The following NEGR1 variants were observed in gnomAD, a reference collection of about 807,000 sequenced individuals.
The protein encoded by NEGR1 is neuronal growth regulator 1.
Under a neutral mutation model 40.9 loss-of-function variants are expected in NEGR1, and 10 were observed. That is an observed-to-expected ratio of 0.24 (90% CI 0.15 to 0.42). The LOEUF is 0.42. NEGR1 is among the 10% of genes least tolerant of loss of function. The probability of loss-of-function intolerance (pLI) is 1.00; values close to 1 mark genes in which losing one functional copy is unlikely to be tolerated. For missense variants in NEGR1, 352 were observed against 438.9 expected (o/e 0.80, Z 1.77); for synonymous variants, 185 against 166.8 (o/e 1.11, Z -0.84).
chr1:72,024,161 G>T (rs3102908), intron 1 of NEGR1, among the ~76,000 whole-genome samples: 79,296 of 151,884 alleles, frequency 0.52, 21,674 homozygotes, highest in East Asian at 0.67. Flanking sequence ...CACATAGCCA[G>T]CTGGCTACCT....
intron 2 of NEGR1, among the ~76,000 whole-genome samples, chr1:71,925,092 A>G (rs932166722): frequency 6.6e-6 from 1 of 152,182 alleles, no homozygotes. Context: ...AATAAAATAA[A>G]ATAAAATAAG....
chr1:71,665,720 A>C (rs2101594478), intron 4 of NEGR1, among the ~76,000 whole-genome samples: 1 of 152,298 alleles, frequency 6.6e-6, no homozygotes, highest in East Asian at 1.9e-4. Flanking sequence ...CTTTTCATAC[A>C]GTGGAGCGCC....
At position 71,406,081 on chromosome 1, in the gene NEGR1, C is replaced by T. The variant is rs984095841; in HGVS notation, c.*1365G>A. The T allele has an allele frequency of 6.6e-6, 1 of 152,024 alleles. No individual in the cohort carries two copies. Among genetic ancestry groups the T allele is most frequent in the Non-Finnish European group, 1.5e-5 (1 of 67,810 alleles). The allele number at this position is 152,024 out of a possible 1,614,324, so 9.4% of individuals were successfully genotyped here. Reference sequence around the variant, plus strand: ...CACTGGTGTTTTGTCTTTATTTGATCGCATCTTACATATATCATGTAAGGA... The same window carrying T: ...CACTGGTGTTTTGTCTTTATTTGATTGCATCTTACATATATCATGTAAGGA... On this transcript the variant is annotated 3_prime_UTR_variant, in exon 7 of 7. Coordinates refer to ENST00000357731, the MANE Select transcript of NEGR1 (RefSeq NM_173808.3).
At chr1:71,901,818 G>A (rs893974155) in intron 2 of NEGR1, among the ~76,000 whole-genome samples, 1 of 151,838 alleles carries the variant, frequency 6.6e-6, no homozygotes, top group African/African-American at 2.4e-5. Flanking sequence ...TTACAGGCAT[G>A]TGCCATCATA....
At chr1:71,708,278 CAG>C (rs1443333848) in intron 3 of NEGR1, among the ~76,000 whole-genome samples, 1 of 151,662 alleles carries the variant, frequency 6.6e-6, no homozygotes, top group Non-Finnish European at 1.5e-5. Context: ...AGAAGGAACT[CAG>C]AATTCCATCA....
chr1:71,957,558 C>T (rs2100288576), intron 1 of NEGR1, among the ~76,000 whole-genome samples: 1 of 152,188 alleles, frequency 6.6e-6, no homozygotes, highest in Middle Eastern at 3.4e-3. Context: ...ATTTCTGCAG[C>T]TGAGAGGAAT....
At chr1:71,689,468 G>A (rs558488875) in intron 4 of NEGR1, among the ~76,000 whole-genome samples, 5 of 152,054 alleles carry the variant, frequency 3.3e-5, no homozygotes, top group South Asian at 2.1e-4. Flanking sequence ...AACAGAATTC[G>A]GATCTTCTGC....
chr1:72,229,152 T>C (rs1654279284), intron 1 of NEGR1, among the ~76,000 whole-genome samples: 1 of 151,940 alleles, frequency 6.6e-6, no homozygotes, highest in Non-Finnish European at 1.5e-5. Flanking sequence ...TTAGAAACCA[T>C]TACTAAAATT....
At chr1:71,548,083 A>G (rs1432469043) in intron 6 of NEGR1, among the ~76,000 whole-genome samples, 1 of 151,708 alleles carries the variant, frequency 6.6e-6, no homozygotes, top group Non-Finnish European at 1.5e-5. Context: ...CTACAGCCTT[A>G]GCCATCATCT....
chr1:72,060,733 G>T (rs909494567), intron 1 of NEGR1, among the ~76,000 whole-genome samples: 2 of 151,588 alleles, frequency 1.3e-5, no homozygotes, highest in African/African-American at 4.8e-5. Flanking sequence ...AGTTCCAAAA[G>T]TTTCCATGTA....
At chr1:71,826,448 C>A (rs371429111) in intron 2 of NEGR1, among the ~76,000 whole-genome samples, 62 of 151,934 alleles carry the variant, frequency 4.1e-4, no homozygotes, top group African/African-American at 1.4e-3. Flanking sequence ...TCTGGCTTTG[C>A]ATTTTGTTTG....
intron 1 of NEGR1, among the ~76,000 whole-genome samples, chr1:72,159,454 T>C (rs1651476981): frequency 1.3e-5 from 2 of 152,090 alleles, no homozygotes; most frequent in South Asian, 4.1e-4. Flanking sequence ...TTCTGCACAA[T>C]GTAAAACCTC....
intron 1 of NEGR1, among the ~76,000 whole-genome samples, chr1:72,115,729 T>G (rs887833063): frequency 6.6e-6 from 1 of 151,626 alleles, no homozygotes; most frequent in African/African-American, 2.4e-5. Context: ...GACAATACAC[T>G]GACTAACCTA....
intron 1 of NEGR1, among the ~76,000 whole-genome samples, chr1:72,050,824 T>C (rs1270003803): frequency 1.3e-5 from 2 of 151,532 alleles, no homozygotes; most frequent in African/African-American, 4.8e-5. Flanking sequence ...TTGCTTACTC[T>C]GGGAGAAGCT....
chr1:72,210,249 C>T (rs775681394), intron 1 of NEGR1, among the ~76,000 whole-genome samples: 7 of 151,730 alleles, frequency 4.6e-5, no homozygotes, highest in African/African-American at 1.2e-4. Context: ...GTGGATAAAA[C>T]GTCAGGAATT....
At chr1:71,475,027 A>T (rs1233134450) in intron 6 of NEGR1, among the ~76,000 whole-genome samples, 1 of 152,118 alleles carries the variant, frequency 6.6e-6, no homozygotes, top group African/African-American at 2.4e-5. Flanking sequence ...TAAAATACAT[A>T]TTCTTTATGG....
intron 4 of NEGR1, among the ~76,000 whole-genome samples, chr1:71,638,542 G>A (rs930692456): frequency 3.9e-5 from 6 of 152,008 alleles, no homozygotes; most frequent in Admixed American, 2.0e-4. Flanking sequence ...ACAGTGATAG[G>A]GACATCAATT....
chr1:71,833,475 AG>A (rs570366399), intron 2 of NEGR1, among the ~76,000 whole-genome samples: 1 of 152,112 alleles, frequency 6.6e-6, no homozygotes, highest in Non-Finnish European at 1.5e-5. Context: ...TTCTCTACAG[AG>A]AGAATCTTTC....
intron 6 of NEGR1, among the ~76,000 whole-genome samples, chr1:71,512,061 A>G (rs1033368654): frequency 1.3e-5 from 2 of 152,242 alleles, no homozygotes; most frequent in African/African-American, 4.8e-5. Context: ...GAGAAACTCC[A>G]GAATATCTTG....
Sources: gnomAD v4.1 joint callset for allele counts (sites outside exome capture counted in the v4.1 genomes callset) on GRCh38, gnomAD v4.1.1 for gene constraint, MANE v1.5 for transcripts, NCBI Gene and HGNC (gene_info 2026-07-23, HGNC 2026-07-21) for gene names.